The following TPCN1 variants were observed in gnomAD, a reference collection of about 807,000 sequenced individuals.
TPCN1 encodes the protein two pore segment channel 1, also known as two pore channel protein 1.
A neutral mutation model predicts 108.8 loss-of-function variants in TPCN1; 52 were observed. The ratio of observed to expected loss-of-function variants is 0.48; its 90% CI spans 0.38 to 0.60. The LOEUF (loss-of-function observed/expected upper bound fraction) is 0.60. Among genes scored for constraint, TPCN1 ranks in the 20% least tolerant of loss-of-function variants. The probability of loss-of-function intolerance (pLI) is 0.00; values close to 1 mark genes in which losing one functional copy is unlikely to be tolerated. For missense variants in TPCN1, 806 were observed against 1,072.8 expected (o/e 0.75, Z 3.47); for synonymous variants, 446 against 433.7 (o/e 1.03, Z -0.35).
chr12:113,240,515 A>G lies in TPCN1; in HGVS notation c.112+13551A>G, dbSNP rs1001720167. The stretch of plus-strand genomic sequence containing the variant: ...TTGTAAAATCAGTATATGATTGTCT[A>G]CAGTCAGAGTCTCAACCCATGAGTA... On this transcript the variant is annotated intron_variant, in intron 2 of 27. Coordinates refer to ENST00000335509, the MANE Select transcript of TPCN1 (RefSeq NM_017901.6). Among the ~76,000 whole-genome samples the G allele has an allele frequency of 2.0e-5, 3 of 152,208 alleles. No individual in the cohort carries two copies. The East Asian group carries it at 5.8e-4, about 29-fold the overall frequency.
chr12:113,232,253 T>G lies in TPCN1; in HGVS notation c.112+5289T>G, dbSNP rs1301440160. On this transcript the variant is annotated intron_variant, in intron 2 of 27. Transcript: ENST00000335509. The surrounding 1 kb of genome is among the most constrained non-coding windows in gnomAD (Gnocchi z 5.6). ...TCACGCCGATGCCTGGCACATCATC[T>G]GGAGTTCCCTAGGACACAGTGCAGC... Among the ~76,000 whole-genome samples the G allele has an allele frequency of 1.3e-5, 2 of 152,222 alleles. No homozygotes were observed. Among genetic ancestry groups the G allele is most frequent in the Non-Finnish European group, 2.9e-5 (2 of 68,036 alleles).
At chr12:113,251,522 C>T (rs1160298570) in intron 2 of TPCN1, among the ~76,000 whole-genome samples, 1 of 152,248 alleles carries the variant, frequency 6.6e-6, no homozygotes, top group Non-Finnish European at 1.5e-5. Context: ...CCTCACCCAC[C>T]AGCCATGTGT....
At chr12:113,228,609 C>T (rs933584800) in intron 2 of TPCN1, among the ~76,000 whole-genome samples, 4 of 152,048 alleles carry the variant, frequency 2.6e-5, no homozygotes, top group Non-Finnish European at 5.9e-5. Context: ...GACCCTGTCT[C>T]AAAAAAATAA....
At chr12:113,282,521 G>A (rs898800865) in intron 15 of TPCN1, among the ~76,000 whole-genome samples, 8 of 151,860 alleles carry the variant, frequency 5.3e-5, no homozygotes, top group East Asian at 1.9e-4. Flanking sequence ...AGGCCGAGGC[G>A]GGTGGATCAC....
At position 113,297,261 on chromosome 12, in the gene TPCN1, G is replaced by A. The variant is rs955993060; in HGVS notation, c.*1185G>A. 6.5e-6 allele frequency: 1 copy of A among 153,108 alleles called. No individual in the cohort carries two copies. The highest frequency in any genetic ancestry group is 1.5e-5 in the Non-Finnish European group (1 of 68,264). 9.5% of individuals were successfully genotyped at this position (153,108 alleles called of 1,614,324 possible). On this transcript the variant is annotated 3_prime_UTR_variant, in exon 28 of 28. Transcript: ENST00000335509. The surrounding 1 kb of genome is among the most constrained non-coding windows in gnomAD (Gnocchi z 4.4). The stretch of plus-strand genomic sequence containing the variant: ...GCAGTGACCCTGCCACAGAGGCAGG[G>A]TCAGTGCAGAGGTCGCTTTGGTTCC...
At chr12:113,291,710 T>A in intron 24 of TPCN1, 33 bp downstream of exon 24, 1 of 1,607,296 alleles carries the variant, frequency 6.2e-7, no homozygotes, top group Non-Finnish European at 8.5e-7. Flanking sequence ...CTCTTTGTCC[T>A]TCGTCTTCCA....
chr12:113,231,087 A>C lies in TPCN1; in HGVS notation c.112+4123A>C, dbSNP rs1345196617. Among the ~76,000 whole-genome samples, 1 of 152,240 alleles carries C rather than the reference A, an allele frequency of 6.6e-6. No individual in the cohort carries two copies. Among genetic ancestry groups the C allele is most frequent in the Non-Finnish European group, 1.5e-5 (1 of 68,040 alleles). On this transcript the variant is annotated intron_variant, in intron 2 of 27. Transcript: ENST00000335509. This position sits in a 1 kb window ranked among gnomAD's most constrained non-coding sequence, Gnocchi z 4.3. The stretch of plus-strand genomic sequence containing the variant: ...GTTGGCAACGACATGAGCATGGGCT[A>C]CTGGGAACGAAGCAAGCTTTCTAAG...
chr12:113,275,499 C>G (rs1475377079), intron 10 of TPCN1, among the ~76,000 whole-genome samples: 5 of 152,172 alleles, frequency 3.3e-5, no homozygotes, highest in Admixed American at 1.3e-4. Flanking sequence ...CCGACTCAGC[C>G]TCCCAAAGTG....
chr12:113,258,383 T>C (rs192362166), intron 2 of TPCN1, among the ~76,000 whole-genome samples: 165 of 152,258 alleles, frequency 1.1e-3, no homozygotes, highest in Non-Finnish European at 1.4e-3. Context: ...GGAGAATCAC[T>C]TGAACCTCGG....
chr12:113,288,185 T>C lies in TPCN1; in HGVS notation c.1657T>C (p.Tyr553His), dbSNP rs775490244. 2.5e-6 allele frequency: 4 copies of C among 1,613,838 alleles called. No homozygotes were observed. Among genetic ancestry groups the C allele is most frequent in the Non-Finnish European group, 3.4e-6 (4 of 1,179,872 alleles). Residue 553 changes from tyrosine (Y) to histidine (H), a missense_variant, in exon 20 of 28, where the codon TAC (tyrosine) becomes CAC (histidine). Transcript: ENST00000335509. The surrounding 1 kb of genome is among the most constrained non-coding windows in gnomAD (Gnocchi z 4.8). The stretch of plus-strand genomic sequence containing the variant: ...CAGGTTGTTTAAGTTGAAGGAGCGC[T>C]ACCGCAACGTGCTGGACACCATGTT... ...LLRLFKLKER[Y>H]RNVLDTMFEL...
chr12:113,274,159 G>T (rs1955596188), intron 10 of TPCN1, among the ~76,000 whole-genome samples: 2 of 152,160 alleles, frequency 1.3e-5, no homozygotes, highest in African/African-American at 2.4e-5. Context: ...TATGTAAATA[G>T]TTGTTATACT....
chr12:113,283,494 C>T (rs764230466), intron 15 of TPCN1, among the ~76,000 whole-genome samples: 5 of 151,590 alleles, frequency 3.3e-5, no homozygotes, highest in Admixed American at 6.6e-5. Context: ...AATTAGCTGG[C>T]GTGGTGGTGT....
chr12:113,254,827 G>A (rs922878711), intron 2 of TPCN1, among the ~76,000 whole-genome samples: 1 of 152,190 alleles, frequency 6.6e-6, no homozygotes, highest in Non-Finnish European at 1.5e-5. Flanking sequence ...GACACAGAAA[G>A]TGTTTGACAA....
chr12:113,242,447 C>T (rs1383213128), intron 2 of TPCN1, among the ~76,000 whole-genome samples: 1 of 152,236 alleles, frequency 6.6e-6, no homozygotes. Context: ...TTGGGCAAGT[C>T]ACTCAGCTTC....
rs1283589403 is a variant in TPCN1, at chr12:113,277,382, G to C, written c.1184+18G>C. On this transcript the variant is annotated intron_variant, in intron 12 of 27. Coordinates refer to ENST00000335509, the MANE Select transcript of TPCN1 (RefSeq NM_017901.6). ...CTGCTCAGGTAAGAGCAGATGCCTG[G>C]TAGGGGCAGCATGGCCAGACAAGGT... 6.2e-7 allele frequency: 1 copy of C among 1,613,900 alleles called. No individual in the cohort carries two copies. Among genetic ancestry groups the C allele is most frequent in the Admixed American group, 1.7e-5 (1 of 60,028 alleles).
Position 113,260,512 on chromosome 12 carries a change from C to T in TPCN1, c.237+20C>T, listed in dbSNP as rs1954989690. Reference sequence around the variant, plus strand: ...CTCCAGGTGAGTATCTCCAGTCAGGCCCTGGCAGTTGTCTGCACCTGTTGG... The same window carrying T: ...CTCCAGGTGAGTATCTCCAGTCAGGTCCTGGCAGTTGTCTGCACCTGTTGG... On this transcript the variant is annotated intron_variant, in intron 3 of 27. Transcript: ENST00000335509. The T allele has an allele frequency of 6.4e-7, 1 of 1,564,510 alleles. No homozygotes were observed. The highest frequency in any genetic ancestry group is 8.6e-7 in the Non-Finnish European group (1 of 1,159,848).
chr12:113,289,386 C>T lies in TPCN1; in HGVS notation c.1796+539C>T, dbSNP rs1251760600. ...CTCTTACATTTGGTCTTTACAGCCT[C>T]AAGCACCGATGAAGAAACAGTTTTA... On this transcript the variant is annotated intron_variant, in intron 21 of 27. Coordinates refer to ENST00000335509, the MANE Select transcript of TPCN1 (RefSeq NM_017901.6). This position sits in a 1 kb window ranked among gnomAD's most constrained non-coding sequence, Gnocchi z 4.1. Among the ~76,000 whole-genome samples the T allele has an allele frequency of 2.0e-5, 3 of 152,230 alleles. No homozygotes were observed. Among genetic ancestry groups the T allele is most frequent in the Admixed American group, 2.0e-4 (3 of 15,280 alleles).
chr12:113,242,660 G>C (rs1227293796), intron 2 of TPCN1, among the ~76,000 whole-genome samples: 2 of 152,208 alleles, frequency 1.3e-5, no homozygotes, highest in African/African-American at 4.8e-5. Flanking sequence ...TTAAGCTTCA[G>C]AATTACAGAA....
chr12:113,274,460 T>A (rs1269736432), intron 10 of TPCN1, among the ~76,000 whole-genome samples: 1 of 151,746 alleles, frequency 6.6e-6, no homozygotes, highest in Non-Finnish European at 1.5e-5. Flanking sequence ...AAAAAAAAAA[T>A]TGTTATACTA....
Sources: gnomAD v4.1 joint callset for allele counts (sites outside exome capture counted in the v4.1 genomes callset) on GRCh38, gnomAD v4.1.1 for gene constraint, Gnocchi (gnomAD v3.1) non-coding constraint, MANE v1.5 for transcripts, NCBI Gene and HGNC (gene_info 2026-07-23, HGNC 2026-07-21) for gene names.